Variants in PDE1C observed in about 807,000 individuals in gnomAD.
PDE1C encodes the protein dual specificity calcium/calmodulin-dependent 3',5'-cyclic nucleotide phosphodiesterase 1C.
PDE1C carries 62 observed loss-of-function variants against 93.1 expected under a neutral mutation model. That is an observed-to-expected ratio of 0.67 (90% confidence interval 0.54 to 0.82). The LOEUF (loss-of-function observed/expected upper bound fraction) is 0.82, where lower values mean the gene tolerates loss of function less well. Among genes scored for constraint, PDE1C ranks in the 40% least tolerant of loss-of-function variants. The pLI is 0.00. For synonymous variants in PDE1C, 325 were observed against 310.1 expected (o/e 1.05, Z -0.50); for missense variants, 742 against 884.6 (o/e 0.84, Z 2.04).
chr7:31,809,230 T>C (rs1213886079), intron 15 of PDE1C, 122 bp from the exon 16 acceptor site: 2 of 581,364 alleles, frequency 3.4e-6, no homozygotes, highest in African/African-American at 1.9e-5. Flanking sequence ...AGAGTGTATG[T>C]GTCTGAGTGT....
chr7:31,852,493 G>A (rs1191022255), intron 7 of PDE1C, among the ~76,000 whole-genome samples: 1 of 152,158 alleles, frequency 6.6e-6, no homozygotes, highest in Non-Finnish European at 1.5e-5. Flanking sequence ...AGGCAGCAAA[G>A]AGCCTCCTCA....
At chr7:31,670,119 C>G in the PDE1C span, among the ~76,000 whole-genome samples, 6 of 152,156 alleles carry the variant, frequency 3.9e-5, no homozygotes. Context: ...CAGTCAGCCC[C>G]AAACATTCAT....
At chr7:31,942,106 G>A (rs753300912) in intron 2 of PDE1C, among the ~76,000 whole-genome samples, 9 of 152,050 alleles carry the variant, frequency 5.9e-5, no homozygotes, top group Non-Finnish European at 1.2e-4. Flanking sequence ...TTTTTCATTC[G>A]CCTCTAAAGA....
intron 1 of PDE1C, among the ~76,000 whole-genome samples, chr7:32,370,748 G>A (rs1004995381): frequency 2.4e-4 from 37 of 151,608 alleles, no homozygotes; most frequent in African/African-American, 8.7e-4. Flanking sequence ...TAACAAACCT[G>A]CACGTTGTGC....
At chr7:31,675,125 G>A in the PDE1C span, among the ~76,000 whole-genome samples, 1 of 152,162 alleles carries the variant, frequency 6.6e-6, no homozygotes, top group African/African-American at 2.4e-5. Context: ...CAGTAGCTGG[G>A]CTCTGTTCCA....
intron 2 of PDE1C, among the ~76,000 whole-genome samples, chr7:32,186,293 G>C (rs910595797): frequency 2.6e-5 from 4 of 151,508 alleles, no homozygotes; most frequent in African/African-American, 4.8e-5. Flanking sequence ...TAGTAGAGAC[G>C]GGGTTTCACC....
intron 1 of PDE1C, among the ~76,000 whole-genome samples, chr7:32,398,391 A>AT (rs573467973): frequency 1.8e-3 from 266 of 148,522 alleles, no homozygotes; most frequent in Middle Eastern, 0.017. Context: ...AGGAACTGTG[A>AT]TTTTTTTTTT....
At chr7:31,694,431 A>G in the PDE1C span, among the ~76,000 whole-genome samples, 1 of 117,586 alleles carries the variant, frequency 8.5e-6, no homozygotes, top group African/African-American at 3.6e-5. Flanking sequence ...TAATATTAAT[A>G]TTATCTCCAC....
At chr7:31,941,817 G>A (rs1482474789) in intron 2 of PDE1C, among the ~76,000 whole-genome samples, 2 of 152,118 alleles carry the variant, frequency 1.3e-5, no homozygotes, top group East Asian at 1.9e-4. Flanking sequence ...GTGATATTAT[G>A]ACAAGAATGT....
At chr7:32,350,368 T>G (rs1389233099) in intron 1 of PDE1C, among the ~76,000 whole-genome samples, 1 of 152,008 alleles carries the variant, frequency 6.6e-6, no homozygotes, top group Non-Finnish European at 1.5e-5. Flanking sequence ...GGGTCTTTCT[T>G]TTTAACACAA....
At chr7:32,272,586 C>T (rs370302166) in intron 1 of PDE1C, among the ~76,000 whole-genome samples, 12 of 152,140 alleles carry the variant, frequency 7.9e-5, no homozygotes, top group African/African-American at 2.7e-4. Flanking sequence ...TTAAGTTGCC[C>T]GTGTCACTCT....
chr7:32,113,310 A>G (rs908469990), intron 3 of PDE1C, among the ~76,000 whole-genome samples: 7 of 139,126 alleles, frequency 5.0e-5, no homozygotes, highest in African/African-American at 1.9e-4. Context: ...TTATGTTTAC[A>G]TATATAAATA....
chr7:32,154,859 CAGGT>C (rs1801472191), intron 3 of PDE1C, among the ~76,000 whole-genome samples: 1 of 152,236 alleles, frequency 6.6e-6, no homozygotes, highest in Admixed American at 6.5e-5. Flanking sequence ...AGCCCACAGC[CAGGT>C]GGGCAGTAAG....
At chr7:32,008,603 C>T (rs1426132472) in intron 2 of PDE1C, among the ~76,000 whole-genome samples, 1 of 152,154 alleles carries the variant, frequency 6.6e-6, no homozygotes, top group Non-Finnish European at 1.5e-5. Flanking sequence ...AAGGACACCT[C>T]CAGTCAATAT....
intron 1 of PDE1C, among the ~76,000 whole-genome samples, chr7:32,323,709 A>T (rs1419134973): frequency 6.6e-6 from 1 of 152,206 alleles, no homozygotes. Flanking sequence ...TCTGGAAAGG[A>T]AACTCCTGAG....
intron 1 of PDE1C, among the ~76,000 whole-genome samples, chr7:32,061,168 T>G (rs1253943815): frequency 1.3e-5 from 2 of 152,246 alleles, no homozygotes; most frequent in African/African-American, 2.4e-5. Context: ...GATATCCAAT[T>G]GTGACTTTCA....
chr7:31,667,428 G>A, the PDE1C span, among the ~76,000 whole-genome samples: 2 of 152,230 alleles, frequency 1.3e-5, no homozygotes, highest in Admixed American at 1.3e-4. Context: ...TGCTAATTTG[G>A]ATGAAGAACA....
At chr7:31,746,806 A>AT (rs1241652346), downstream of PDE1C, among the ~76,000 whole-genome samples, 1 of 152,134 alleles carries the variant, frequency 6.6e-6, no homozygotes, top group Non-Finnish European at 1.5e-5. Context: ...TGCTGTCGAC[A>AT]TGTCCTAATT....
the PDE1C span, among the ~76,000 whole-genome samples, chr7:31,654,123 A>G: frequency 6.6e-6 from 1 of 151,916 alleles, no homozygotes; most frequent in African/African-American, 2.4e-5. Flanking sequence ...AGACAGTGTG[A>G]TAATGTTGCA....
Sources: gnomAD v4.1 joint callset for allele counts (sites outside exome capture counted in the v4.1 genomes callset) on GRCh38, gnomAD v4.1.1 for gene constraint, MANE v1.5 for transcripts, NCBI Gene and HGNC (gene_info 2026-07-23, HGNC 2026-07-21) for gene names.